The following FAM81B variants were observed in gnomAD, a reference collection of about 807,000 sequenced individuals.
The protein encoded by FAM81B is protein FAM81B.
FAM81B carries 60 observed loss-of-function variants against 58.7 expected under a neutral mutation model. The observed-to-expected ratio is 1.02, with a 90% CI of 0.83 to 1.27. The LOEUF (loss-of-function observed/expected upper bound fraction) is 1.27, where lower values mean the gene tolerates loss of function less well. FAM81B is among the 50% of genes most tolerant of loss of function. FAM81B has a pLI of 0.00. For missense variants in FAM81B, 491 were observed against 522.0 expected (o/e 0.94, Z 0.58); for synonymous variants, 189 against 179.6 (o/e 1.05, Z -0.42).
chr5:95,394,798 T>C (rs1021304628), intron 2 of FAM81B, among the ~76,000 whole-genome samples: 3 of 152,204 alleles, frequency 2.0e-5, no homozygotes, highest in African/African-American at 7.2e-5. Flanking sequence ...GGAGAGACTT[T>C]GTCAGGCGTT....
At chr5:95,406,876 G>A (rs1762260855) in intron 3 of FAM81B, among the ~76,000 whole-genome samples, 1 of 152,078 alleles carries the variant, frequency 6.6e-6, no homozygotes, top group African/African-American at 2.4e-5. Flanking sequence ...TCTCACATGA[G>A]CTGTCATATC....
chr5:95,442,067 C>T (rs1182597167), intron 7 of FAM81B, among the ~76,000 whole-genome samples: 1 of 152,184 alleles, frequency 6.6e-6, no homozygotes, highest in Non-Finnish European at 1.5e-5. Context: ...GAAAACACTA[C>T]CACAGTAGAA....
At chr5:95,430,812 A>G (rs1423227269) in intron 6 of FAM81B, among the ~76,000 whole-genome samples, 2 of 152,018 alleles carry the variant, frequency 1.3e-5, no homozygotes, top group Non-Finnish European at 2.9e-5. Context: ...TTGCACACCC[A>G]CCAACAATAT....
intron 5 of FAM81B, among the ~76,000 whole-genome samples, chr5:95,422,546 G>A (rs938287866): frequency 3.7e-5 from 5 of 135,994 alleles, no homozygotes; most frequent in African/African-American, 9.9e-5. Flanking sequence ...GCAGTGGCGC[G>A]ATCTTGGCTC....
At chr5:95,414,476 G>A (rs867507285) in intron 4 of FAM81B, among the ~76,000 whole-genome samples, 1 of 152,178 alleles carries the variant, frequency 6.6e-6, no homozygotes, top group South Asian at 2.1e-4. Flanking sequence ...GCTTATGTTA[G>A]CCTAAATCTC....
At chr5:95,448,145 C>T in intron 8 of FAM81B, 124 bp from the exon 9 acceptor site, 4 of 869,492 alleles carry the variant, frequency 4.6e-6, no homozygotes, top group Non-Finnish European at 5.2e-6. Context: ...GTTTTAGATA[C>T]AAAGGAACTT....
chr5:95,446,512 TTA>T (rs1421216566), intron 7 of FAM81B, 48 bp from the exon 8 acceptor site: 2 of 1,467,938 alleles, frequency 1.4e-6, no homozygotes, highest in South Asian at 1.3e-5. Flanking sequence ...TACTAATTTT[TTA>T]TGTTTAAATT....
chr5:95,403,686 A>T (rs1444512026), intron 3 of FAM81B, among the ~76,000 whole-genome samples: 1 of 152,168 alleles, frequency 6.6e-6, no homozygotes, highest in East Asian at 1.9e-4. Context: ...TGCCTTTGGT[A>T]GTTCCAAGCA....
intron 9 of FAM81B, among the ~76,000 whole-genome samples, chr5:95,449,448 A>T (rs1361323534): frequency 6.6e-6 from 1 of 152,202 alleles, no homozygotes; most frequent in Non-Finnish European, 1.5e-5. Flanking sequence ...CCATTAGTAA[A>T]ACTTCAGGGT....
At chr5:95,429,085 A>G (rs1001614952) in intron 6 of FAM81B, among the ~76,000 whole-genome samples, 4 of 152,200 alleles carry the variant, frequency 2.6e-5, no homozygotes, top group Admixed American at 6.5e-5. Flanking sequence ...TATTATTATT[A>G]AAAGTCCAAC....
At chr5:95,442,954 T>C (rs1745422047) in intron 7 of FAM81B, among the ~76,000 whole-genome samples, 1 of 152,198 alleles carries the variant, frequency 6.6e-6, no homozygotes, top group Admixed American at 6.5e-5. Context: ...TATCAGCAAA[T>C]GAAAGGCCAC....
At chr5:95,413,613 T>C (rs914597331) in intron 3 of FAM81B, among the ~76,000 whole-genome samples, 2 of 152,194 alleles carry the variant, frequency 1.3e-5, no homozygotes, top group African/African-American at 4.8e-5. Flanking sequence ...TGCATCTTTA[T>C]AGTTATAAAA....
At chr5:95,403,863 A>G (rs920900839) in intron 3 of FAM81B, among the ~76,000 whole-genome samples, 9 of 152,198 alleles carry the variant, frequency 5.9e-5, no homozygotes, top group Admixed American at 4.6e-4. Context: ...TTGCATCTCA[A>G]CCCAGAAGAA....
intron 6 of FAM81B, among the ~76,000 whole-genome samples, chr5:95,432,688 T>C (rs988920478): frequency 3.3e-5 from 5 of 152,082 alleles, no homozygotes; most frequent in Admixed American, 6.5e-5. Flanking sequence ...TGCATAAAGT[T>C]ATGCAAAATG....
chr5:95,397,817 T>C (rs1762002418), intron 3 of FAM81B, among the ~76,000 whole-genome samples: 1 of 152,246 alleles, frequency 6.6e-6, no homozygotes, highest in South Asian at 2.1e-4. Flanking sequence ...GTTAATTGTC[T>C]TTTGGTCTCT....
chr5:95,413,398 A>G (rs1014111723), intron 3 of FAM81B, among the ~76,000 whole-genome samples: 3 of 152,200 alleles, frequency 2.0e-5, no homozygotes, highest in Non-Finnish European at 4.4e-5. Context: ...GATTGGTACC[A>G]TTCATGAACT....
At chr5:95,425,747 T>C (rs909772756) in intron 5 of FAM81B, among the ~76,000 whole-genome samples, 1 of 152,148 alleles carries the variant, frequency 6.6e-6, no homozygotes. Flanking sequence ...AAATTTAACA[T>C]TTTAAAATTA....
intron 9 of FAM81B, chr5:95,448,839 T>C (rs150789794): frequency 2.4e-5 from 10 of 415,300 alleles, no homozygotes; most frequent in Admixed American, 1.3e-4. Context: ...GCCCTTCTCA[T>C]TGAACTACAA....
chr5:95,418,530 C>T (rs1420643710), intron 4 of FAM81B, among the ~76,000 whole-genome samples: 2 of 152,164 alleles, frequency 1.3e-5, no homozygotes, highest in East Asian at 1.9e-4. Context: ...GTTACAGCCA[C>T]AGTGTGTACG....
Sources: allele counts gnomAD v4.1 joint callset (sites outside exome capture counted in the v4.1 genomes callset), GRCh38; gene constraint gnomAD v4.1.1; transcripts MANE v1.5; gene names NCBI Gene and HGNC (gene_info 2026-07-23, HGNC 2026-07-21).